Variants in EPPK1 observed in about 807,000 individuals in gnomAD.
The protein encoded by EPPK1 is epiplakin 1.
For synonymous variants in EPPK1, 1,862 were observed against 1,721.2 expected (o/e 1.08, Z -2.03); for missense variants, 3,823 against 3,673.3 (o/e 1.04, Z -1.05).
rs1408817275 is a variant in EPPK1 at position 143,870,751 on chromosome 8, C to T, written c.2503G>A (p.Glu835Lys). Residue 835 changes from glutamate to lysine, a missense_variant, in exon 2 of 2, where the codon GAG becomes AAG. Physicochemically the swap from Glu to Lys is moderately conservative, Grantham distance 56. Transcript: ENST00000615648. This position sits in a 1 kb window ranked among gnomAD's most constrained non-coding sequence, Gnocchi z 5.2. The part of the protein sequence containing the change: ...RFQGQRVSAW[E>K]LINSEYFSEG... ...CTGAAGTACTCAGAGTTGATCAGCT[C>T]CCACGCGGAGACCCTCTGCCCCTGA... The T allele has an allele frequency of 1.2e-6, 2 of 1,612,422 alleles. No homozygotes were observed. Among genetic ancestry groups the T allele is most frequent in the Non-Finnish European group, 1.7e-6 (2 of 1,179,832 alleles).
Position 143,869,973 on chromosome 8 carries a change from C to T in EPPK1, c.3281G>A (p.Ser1094Asn). Residue 1094 changes from serine (S) to asparagine (N), a missense_variant, in exon 2 of 2, where the codon AGC becomes AAC. Physicochemically the swap from Ser to Asn is conservative, Grantham distance 46. Coordinates refer to ENST00000615648, the MANE Select transcript of EPPK1 (RefSeq NM_031308.4). ...FPTPDGQGRT[S>N]YAQLLEECPR... ...GCACTCCTCCAGGAGCTGGGCATAG[C>T]TCGTGCGCCCCTGGCCGTCCGGTGT... 1 of 1,606,416 alleles carries T rather than the reference C, an allele frequency of 6.2e-7. No individual in the cohort carries two copies. The highest frequency in any genetic ancestry group is 1.3e-5 in the African/African-American group (1 of 74,880).
rs1554660058 is a variant in EPPK1, at chr8:143,868,734, G to T, written c.4520C>A (p.Thr1507Asn). 4 of 1,581,588 alleles carry T rather than the reference G, an allele frequency of 2.5e-6. No individual in the cohort carries two copies. Among genetic ancestry groups the T allele is most frequent in the Non-Finnish European group, 3.4e-6 (4 of 1,168,140 alleles). ...CTGCCTCTCTGCAGCCTCGACCAGG[G>T]TGGTGACTGCGCTGACCACCTGCCG... ...ALRQVVSAVTTLVEAAERQPL... is the reference protein window; with the variant it reads ...ALRQVVSAVTNLVEAAERQPL... Residue 1507 changes from threonine (T) to asparagine (N), a missense_variant, in exon 2 of 2, where the codon ACC becomes AAC. Thr to Asn is a moderately conservative substitution (Grantham distance 65, BLOSUM62 0). Transcript: ENST00000615648.
Position 143,867,465 on chromosome 8 carries a change from A to T in EPPK1, c.5789T>A (p.Leu1930Gln), listed in dbSNP as rs949761822. 6.2e-7 allele frequency: 1 copy of T among 1,612,534 alleles called. No individual in the cohort carries two copies. The highest frequency in any genetic ancestry group is 1.3e-5 in the African/African-American group (1 of 74,924). Residue 1930 changes from leucine (L) to glutamine (Q), a missense_variant, in exon 2 of 2, where the codon CTG becomes CAG. Physicochemically the swap from Leu to Gln is moderately radical, Grantham distance 113. Transcript: ENST00000615648. ...CCCGGTGGCGGCCTGCGCCTCCAGCAGCCAAGTCGCAAATGCTGCAGGGAT... is the reference window on the plus strand; with the variant it reads ...CCCGGTGGCGGCCTGCGCCTCCAGCTGCCAAGTCGCAAATGCTGCAGGGAT... ...ELIPAAFATWLLEAQAATGFL... is the reference protein window; with the variant it reads ...ELIPAAFATWQLEAQAATGFL...
In EPPK1 at chr8:143,871,697, G is replaced by T; in HGVS notation, c.1557C>A (p.Ile519=). Residue 519 remains isoleucine, a synonymous_variant, in exon 2 of 2, where the codon ATC becomes ATA. Transcript: ENST00000615648. ...CCAGCATCGCCCTCTGCTCTGAGGA[G>T]ATGGCCTCAGAGAAGAGCAGCTCCC... The part of the protein sequence containing the change: ...SLWELLFSEA[I]SSEQRAMLAQ... 6.2e-7 allele frequency: 1 copy of T among 1,606,654 alleles called. No homozygotes were observed. The highest frequency in any genetic ancestry group is 8.5e-7 in the Non-Finnish European group (1 of 1,178,110).
Position 143,869,830 on chromosome 8 carries a change from T to C in EPPK1, c.3424A>G (p.Thr1142Ala). 1 of 1,599,644 alleles carries C rather than the reference T, an allele frequency of 6.3e-7. No homozygotes were observed. Among genetic ancestry groups the C allele is most frequent in the Non-Finnish European group, 8.5e-7 (1 of 1,174,228 alleles). ...GAGCTGAGCAGGTCCCAGAGGGATG[T>C]GCCATCCTTGGCCCCCGGCACGGCC... ...LQAVPGAKDGTSLWDLLSSCH... is the reference protein window; with the variant it reads ...LQAVPGAKDGASLWDLLSSCH... Residue 1142 changes from threonine (T) to alanine (A), a missense_variant, in exon 2 of 2, where the codon ACA (threonine) becomes GCA (alanine). Physicochemically the swap from Thr to Ala is moderately conservative, Grantham distance 58. Coordinates refer to ENST00000615648, the MANE Select transcript of EPPK1 (RefSeq NM_031308.4).
In EPPK1 at chr8:143,866,773, A is replaced by T. The variant is rs115688173; in HGVS notation, c.6481T>A (p.Leu2161Met). 6.2e-7 allele frequency: 1 copy of T among 1,613,072 alleles called. No homozygotes were observed. The highest frequency in any genetic ancestry group is 2.2e-5 in the East Asian group (1 of 44,868). Residue 2161 changes from leucine to methionine, a missense_variant, in exon 2 of 2, where the codon TTG (leucine) becomes ATG (methionine). Coordinates refer to ENST00000615648, the MANE Select transcript of EPPK1 (RefSeq NM_031308.4). ...TTGCTGGTTTCCTGCTTCTCGATCA[A>T]CTCTAAGATGAGCTGCGCTACCGTC... ...LQTVAQLILE[L>M]IEKQETSNKH... is the part of the protein sequence containing the mutation.
At position 143,867,106 on chromosome 8, in the gene EPPK1, T is replaced by C. The variant is rs782462479; in HGVS notation, c.6148A>G (p.Met2050Val). ...TTCGGGTCCACAAACCGTTTCCTCA[T>C]GTGCTTCTGGTCGGAAATGAGCGCA... ...IYALISDQKH[M>V]RKRFVDPNTQ... is the part of the protein sequence containing the mutation. The change falls in exon 2 of 2, where the codon ATG (methionine) becomes GTG (valine). Residue 2050 changes from methionine (M) to valine (V), a missense_variant. By Grantham distance (21) the Met-to-Val change is conservative. Transcript: ENST00000615648. 2.4e-5 allele frequency: 39 copies of C among 1,612,922 alleles called. No homozygotes were observed. In the Admixed American group the frequency reaches 3.5e-4, roughly 14 times the overall value.
Position 143,866,198 on chromosome 8 carries a change from C to A in EPPK1, c.7056G>T (p.Val2352=). 1 of 438,280 alleles carries A rather than the reference C, an allele frequency of 2.3e-6. No homozygotes were observed. The highest frequency in any genetic ancestry group is 3.8e-6 in the Non-Finnish European group (1 of 261,924). 27.1% of individuals were successfully genotyped at this position (438,280 alleles called of 1,614,324 possible). ...QIATGGVIDP[V]HSHRVPVDVA... The stretch of plus-strand genomic sequence containing the variant: ...CGTCCACGGGCACGCGGTGGCTGTG[C>A]ACGGGGTCGATGACGCCGCCCGTGG... The change falls in exon 2 of 2, where the codon GTG becomes GTT. Residue 2352 remains valine, a synonymous_variant. Coordinates refer to ENST00000615648, the MANE Select transcript of EPPK1 (RefSeq NM_031308.4).
rs118079568 is a variant in EPPK1, at chr8:143,870,057, C to G, written c.3197G>C (p.Arg1066Pro). Residue 1066 changes from arginine to proline, a missense_variant, in exon 2 of 2, where the codon CGT (arginine) becomes CCT (proline). Physicochemically the swap from Arg to Pro is moderately radical, Grantham distance 103. Transcript: ENST00000615648. This position sits in a 1 kb window ranked among gnomAD's most constrained non-coding sequence, Gnocchi z 5.2. ...HHLPMPVAIQ[R>P]GYVDQEMETA... ...CTCCATCTCCTGGTCAACATAGCCACGCTGAATGGCCACTGGCATGGGGAG... is the reference window on the plus strand; with the variant it reads ...CTCCATCTCCTGGTCAACATAGCCAGGCTGAATGGCCACTGGCATGGGGAG... 6.2e-7 allele frequency: 1 copy of G among 1,610,500 alleles called. No individual in the cohort carries two copies. The highest frequency in any genetic ancestry group is 1.1e-5 in the South Asian group (1 of 90,530).
chr8:143,869,028 C>T lies in EPPK1; in HGVS notation c.4226G>A (p.Arg1409Gln), dbSNP rs74777588. ...GAGCTGCTGGTAGGTCACCTGGTCC[C>T]GCGCACTGGGGTCAAAGAAGAACTT... The part of the protein sequence containing the change: ...DNKFFFDPSA[R>Q]DQVTYQQLRE... The change falls in exon 2 of 2, where the codon CGG (arginine) becomes CAG (glutamine). Residue 1409 changes from arginine (R) to glutamine (Q), a missense_variant. Transcript: ENST00000615648. The T allele has an allele frequency of 1.0e-2, 16,036 of 1,610,108 alleles. 118 individuals are homozygous for T. Among genetic ancestry groups the T allele is most frequent in the Non-Finnish European group, 0.011 (13,388 of 1,179,826 alleles).
Position 143,869,135 on chromosome 8 carries a change from G to A in EPPK1, c.4119C>T (p.His1373=), listed in dbSNP as rs782504131. The change falls in exon 2 of 2, where the codon CAC becomes CAT. Residue 1373 remains histidine (H), a synonymous_variant. Coordinates refer to ENST00000615648, the MANE Select transcript of EPPK1 (RefSeq NM_031308.4). ...GGVVDPVHGV[H]LPQAAACRLG... The stretch of plus-strand genomic sequence containing the variant: ...GTCTGCAGGCTGCCGCCTGGGGCAG[G>A]TGCACCCCGTGGACAGGGTCCACCA... 3.7e-6 allele frequency: 6 copies of A among 1,606,114 alleles called. No homozygotes were observed. The highest frequency in any genetic ancestry group is 2.2e-5 in the East Asian group (1 of 44,864).
In EPPK1 at chr8:143,867,955, C is replaced by T. The variant is rs72499137; in HGVS notation, c.5299G>A (p.Val1767Met). ...TGTCTCGTGGCCTCATTGATGTACA[C>T]GTAGTTTTCTCCTTTCTTTATGATT... ...LQIIKKGENY[V>M]YINEATRHVL... Residue 1767 changes from valine (V) to methionine (M), a missense_variant, in exon 2 of 2, where the codon GTG becomes ATG. Physicochemically the swap from Val to Met is conservative, Grantham distance 21. Transcript: ENST00000615648. 4,266 of 1,613,664 alleles carry T rather than the reference C, an allele frequency of 2.6e-3. 173 individuals are homozygous for T. In the East Asian group the frequency reaches 0.08, roughly 30 times the overall value.
Position 143,865,489 on chromosome 8 carries a change from G to A in EPPK1, c.7765C>T (p.Gln2589Ter), listed in dbSNP as rs1819086985. The change falls in exon 2 of 2, where the codon CAG (glutamine) becomes TAG (stop). Residue 2589 changes from glutamine to a stop codon, truncating the protein, a stop_gained. Transcript: ENST00000615648. LOFTEE classifies it low-confidence loss of function (END_TRUNC). The part of the protein sequence containing the change: ...EEAPGARPQL[Q>*]DAWRGPREPG... Reference sequence around the variant, plus strand: ...TCCCGCGGGCCGCGCCAGGCGTCCTGGAGCTGCGGCCGGGCCCCGGGGGCC... The same window carrying A: ...TCCCGCGGGCCGCGCCAGGCGTCCTAGAGCTGCGGCCGGGCCCCGGGGGCC... The A allele has an allele frequency of 5.8e-6, 1 of 172,046 alleles. No individual in the cohort carries two copies. The highest frequency in any genetic ancestry group is 9.6e-6 in the Non-Finnish European group (1 of 103,646). The allele number at this position is 172,046 out of a possible 1,614,324, so 10.7% of individuals were successfully genotyped here. A position where few individuals can be genotyped will look rare whatever the true frequency, so the allele number is the denominator to read the frequency against.
rs782179842 is a variant in EPPK1, at chr8:143,868,102, G to T, written c.5152C>A (p.Leu1718Met). Residue 1718 changes from leucine to methionine, a missense_variant, in exon 2 of 2, where the codon CTG (leucine) becomes ATG (methionine). Leu to Met is a conservative substitution (Grantham distance 15). Transcript: ENST00000615648. ...TTGGTGTCGTCGCTGGGGTCCGCCAGGATGCGGTTCATCTCCTCGTCGAAG... is the reference window on the plus strand; with the variant it reads ...TTGGTGTCGTCGCTGGGGTCCGCCATGATGCGGTTCATCTCCTCGTCGAAG... ...GYFDEEMNRI[L>M]ADPSDDTKGF... is the part of the protein sequence containing the mutation. 6.2e-7 allele frequency: 1 copy of T among 1,613,386 alleles called. No individual in the cohort carries two copies. Among genetic ancestry groups the T allele is most frequent in the East Asian group, 2.2e-5 (1 of 44,886 alleles).
chr8:143,872,191 G>T lies in EPPK1; in HGVS notation c.1063C>A (p.Gln355Lys). The change falls in exon 2 of 2, where the codon CAG (glutamine) becomes AAG (lysine). Residue 355 changes from glutamine to lysine, a missense_variant. Coordinates refer to ENST00000615648, the MANE Select transcript of EPPK1 (RefSeq NM_031308.4). ...AGLVSPELHE[Q>K]LLVAEQAVTG... Reference sequence around the variant, plus strand: ...ACGGCCTGCTCGGCCACCAGGAGCTGCTCATGGAGCTCTGGGCTGACCAGG... The same window carrying T: ...ACGGCCTGCTCGGCCACCAGGAGCTTCTCATGGAGCTCTGGGCTGACCAGG... The T allele has an allele frequency of 6.2e-7, 1 of 1,600,304 alleles. No individual in the cohort carries two copies. The highest frequency in any genetic ancestry group is 8.5e-7 in the Non-Finnish European group (1 of 1,173,838).
Position 143,870,454 on chromosome 8 carries a change from C to G in EPPK1, c.2800G>C (p.Gly934Arg). 6.2e-7 allele frequency: 1 copy of G among 1,600,918 alleles called. No individual in the cohort carries two copies. Among genetic ancestry groups the G allele is most frequent in the Non-Finnish European group, 8.5e-7 (1 of 1,177,266 alleles). The change falls in exon 2 of 2, where the codon GGT (glycine) becomes CGT (arginine). Residue 934 changes from glycine to arginine, a missense_variant. By Grantham distance (125) the Gly-to-Arg change is moderately radical. Coordinates refer to ENST00000615648, the MANE Select transcript of EPPK1 (RefSeq NM_031308.4). This position sits in a 1 kb window ranked among gnomAD's most constrained non-coding sequence, Gnocchi z 5.2. ...TGGCCAGAGGGCAGCAGCCGCACAC[C>G]GCCCACAGCTCCCAGGCCGCACAGG... The part of the protein sequence containing the change: ...RYLCGLGAVG[G>R]VRLLPSGQRL...
chr8:143,857,919 ACAAC>A lies in EPPK1; in HGVS notation c.*64_*67del. 1.4e-6 allele frequency: 1 copy of A among 732,008 alleles called. No individual in the cohort carries two copies. Among genetic ancestry groups the A allele is most frequent in the Non-Finnish European group, 2.0e-6 (1 of 501,856 alleles). The allele number at this position is 732,008 out of a possible 1,614,324, so 45.3% of individuals were successfully genotyped here. A position where few individuals can be genotyped will look rare whatever the true frequency, so the allele number is the denominator to read the frequency against. ...GACAAAAAAAAAAAAAAAAAAAAAA[ACAAC>A]CCAGACACACAAGTATGCCTCCACT... On this transcript the variant is annotated 3_prime_UTR_variant, in exon 2 of 2. Coordinates refer to ENST00000615648, the MANE Select transcript of EPPK1 (RefSeq NM_031308.4).
Position 143,870,367 on chromosome 8 carries a change from G to A in EPPK1, c.2887C>T (p.Leu963=), listed in dbSNP as rs1554660735. The A allele has an allele frequency of 2.6e-6, 4 of 1,563,828 alleles. No homozygotes were observed. The highest frequency in any genetic ancestry group is 3.4e-6 in the Non-Finnish European group (4 of 1,160,296). Residue 963 remains leucine (L), a synonymous_variant, in exon 2 of 2, where the codon CTG becomes TTG. Transcript: ENST00000615648. The surrounding 1 kb of genome is among the most constrained non-coding windows in gnomAD (Gnocchi z 5.2). The part of the protein sequence containing the change: ...KLLGPRVALA[L]LEAQAATGTI... ...CCGGTGGCCGCCTGGGCCTCCAGCA[G>A]GGCCAGGGCCACCCTGGGCCCCAGC...
chr8:143,857,936 G>T lies in EPPK1; in HGVS notation c.*51C>A. ...AAAAAAAAACAACCCAGACACACAA[G>T]TATGCCTCCACTTCTCCAGAGTTGC... On this transcript the variant is annotated 3_prime_UTR_variant, in exon 2 of 2. Coordinates refer to ENST00000615648, the MANE Select transcript of EPPK1 (RefSeq NM_031308.4). 5.4e-4 allele frequency: 445 copies of T among 829,710 alleles called. No homozygotes were observed. The highest frequency in any genetic ancestry group is 7.5e-4 in the Non-Finnish European group (417 of 553,978). The allele number at this position is 829,710 out of a possible 1,614,324, so 51.4% of individuals were successfully genotyped here.
Sources: allele counts gnomAD v4.1 joint callset, GRCh38; gene constraint gnomAD v4.1.1; non-coding constraint Gnocchi (gnomAD v3.1); transcripts MANE v1.5; gene names NCBI Gene and HGNC (gene_info 2026-07-23, HGNC 2026-07-21).